TEX19: variants seen among roughly 807,000 people sequenced by gnomAD.
The protein encoded by TEX19 is testis-expressed protein 19.
For missense variants in TEX19, 184 were observed against 194.4 expected (o/e 0.95, Z 0.32); for synonymous variants, 77 against 73.9 (o/e 1.04, Z -0.21).
In TEX19 at chr17:82,362,865, G is replaced by T. The variant is rs2052407520; in HGVS notation, c.*220G>T. On this transcript the variant is annotated 3_prime_UTR_variant, in exon 2 of 2. Coordinates refer to ENST00000333437, the MANE Select transcript of TEX19 (RefSeq NM_207459.4). The surrounding 1 kb of genome is among the most constrained non-coding windows in gnomAD (Gnocchi z 5.5). ...CTGGAAATTGCTGCTGGAGCCTGGT[G>T]AAGTGTGGGTGGTGAGACTCCAAGA... 2 of 548,832 alleles carry T rather than the reference G, an allele frequency of 3.6e-6. No homozygotes were observed. The highest frequency in any genetic ancestry group is 7.4e-5 in the South Asian group (2 of 26,906). The allele number at this position is 548,832 out of a possible 1,614,324, so 34.0% of individuals were successfully genotyped here. A position where few individuals can be genotyped will look rare whatever the true frequency, so the allele number is the denominator to read the frequency against.
chr17:82,359,805 TTTCCCCCAGTTTCCCTCAGG>T lies in TEX19; in HGVS notation c.-272+539_-272+558del, dbSNP rs1567852889. 5.7e-5 allele frequency among the ~76,000 whole-genome samples: 5 copies of T among 87,704 alleles called. No individual in the cohort carries two copies. The East Asian group carries it at 1.5e-3, about 26-fold the overall frequency. 57.5% of individuals were successfully genotyped at this position (87,704 alleles called of 152,430 possible). On this transcript the variant is annotated intron_variant, in intron 1 of 1. Coordinates refer to ENST00000333437, the MANE Select transcript of TEX19 (RefSeq NM_207459.4). The stretch of plus-strand genomic sequence containing the variant: ...TCAGTTTCCCTCAAGTTCCCCTCAG[TTTCCCCCAGTTTCCCTCAGG>T]TTCCCCCAGTTTCCCTCAAGTTCCC...
chr17:82,362,461 C>T lies in TEX19; in HGVS notation c.311C>T (p.Ala104Val). 6.2e-7 allele frequency: 1 copy of T among 1,612,640 alleles called. No individual in the cohort carries two copies. The highest frequency in any genetic ancestry group is 8.5e-7 in the Non-Finnish European group (1 of 1,179,772). ...GAGGCATGGGGGCCAGGGACCCTGG[C>T]AGCAGCCCCAGAAGGGTTGGAAGAT... ...GSEAWGPGTL[A>V]AAPEGLEDAG... The change falls in exon 2 of 2, where the codon GCA (alanine) becomes GTA (valine). Residue 104 changes from alanine (A) to valine (V), a missense_variant. Transcript: ENST00000333437. This position sits in a 1 kb window ranked among gnomAD's most constrained non-coding sequence, Gnocchi z 5.5.
In TEX19 at chr17:82,362,750, C is replaced by T; in HGVS notation, c.*105C>T. On this transcript the variant is annotated 3_prime_UTR_variant, in exon 2 of 2. Transcript: ENST00000333437. The surrounding 1 kb of genome is among the most constrained non-coding windows in gnomAD (Gnocchi z 5.5). Reference sequence around the variant, plus strand: ...CCGAGGCTGAGGCCTAGTTACTGGCCCTGCAGCTTGTCTCCATGGTGGGCT... The same window carrying T: ...CCGAGGCTGAGGCCTAGTTACTGGCTCTGCAGCTTGTCTCCATGGTGGGCT... 7.2e-7 allele frequency: 1 copy of T among 1,391,716 alleles called. No homozygotes were observed. Among genetic ancestry groups the T allele is most frequent in the East Asian group, 2.4e-5 (1 of 41,178 alleles). The allele number at this position is 1,391,716 out of a possible 1,614,324, so 86.2% of individuals were successfully genotyped here. A position where few individuals can be genotyped will look rare whatever the true frequency, so the allele number is the denominator to read the frequency against.
In TEX19 at chr17:82,363,012, C is replaced by A. The variant is rs1485276470; in HGVS notation, c.*367C>A. On this transcript the variant is annotated 3_prime_UTR_variant, in exon 2 of 2. Coordinates refer to ENST00000333437, the MANE Select transcript of TEX19 (RefSeq NM_207459.4). ...CCTGCAGAAGAGGATTCACCATAGT[C>A]TCTTATTCACCCTGGACCAACAGGG... 5.1e-6 allele frequency: 1 copy of A among 196,436 alleles called. No homozygotes were observed. The allele number at this position is 196,436 out of a possible 1,614,324, so 12.2% of individuals were successfully genotyped here.
At position 82,362,507 on chromosome 17, in the gene TEX19, T is replaced by C; in HGVS notation, c.357T>C (p.Phe119=). Residue 119 remains phenylalanine, a synonymous_variant, in exon 2 of 2, where the codon TTT becomes TTC. Transcript: ENST00000333437. The surrounding 1 kb of genome is among the most constrained non-coding windows in gnomAD (Gnocchi z 5.5). ...AAGATGCAGGTCTGGACCCCCACTTTGTCCCCACTGAACTATGGCCTCAGG... is the reference window on the plus strand; with the variant it reads ...AAGATGCAGGTCTGGACCCCCACTTCGTCCCCACTGAACTATGGCCTCAGG... ...GLEDAGLDPH[F]VPTELWPQEA... 6.2e-7 allele frequency: 1 copy of C among 1,612,902 alleles called. No homozygotes were observed.
In TEX19 at chr17:82,362,107, C is replaced by T. The variant is rs1358943122; in HGVS notation, c.-44C>T. 2.6e-6 allele frequency: 4 copies of T among 1,564,894 alleles called. No individual in the cohort carries two copies. Among genetic ancestry groups the T allele is most frequent in the Admixed American group, 3.5e-5 (2 of 56,784 alleles). On this transcript the variant is annotated 5_prime_UTR_variant, in exon 2 of 2. Transcript: ENST00000333437. The surrounding 1 kb of genome is among the most constrained non-coding windows in gnomAD (Gnocchi z 5.5). ...AGACCGTCCAAGATCCTCTGAAGGC[C>T]CAGCTCTTGCTGTCCACCCCGGCAG...
chr17:82,360,298 T>C (rs1472775952), intron 1 of TEX19, among the ~76,000 whole-genome samples: 2 of 80,056 alleles, frequency 2.5e-5, no homozygotes, highest in Non-Finnish European at 4.7e-5. Context: ...CCAGTTTCCC[T>C]CAGGTTCCCC....
At chr17:82,360,784 T>C (rs1186566983) in intron 1 of TEX19, among the ~76,000 whole-genome samples, 4 of 58,132 alleles carry the variant, frequency 6.9e-5, no homozygotes, top group Non-Finnish European at 1.2e-4. Flanking sequence ...CAAGTTTCCC[T>C]CAGGTTCCCC....
intron 1 of TEX19, among the ~76,000 whole-genome samples, chr17:82,359,887 G>T (rs1469587202): frequency 1.3e-4 from 8 of 62,840 alleles, no homozygotes; most frequent in Admixed American, 2.0e-4. Context: ...TTTCCCTCGG[G>T]TTCCCCCAGT....
intron 1 of TEX19, 193 bp from the exon 2 acceptor site, chr17:82,361,687 G>A: frequency 5.1e-6 from 5 of 985,372 alleles, no homozygotes; most frequent in Non-Finnish European, 6.0e-6. Context: ...TGAGGTGTAG[G>A]GGGTGGCTGA....
Position 82,362,311 on chromosome 17 carries a change from G to A in TEX19, c.161G>A (p.Trp54Ter), listed in dbSNP as rs553772038. Residue 54 changes from tryptophan (W) to a stop codon, truncating the protein, a stop_gained, in exon 2 of 2, where the codon TGG (tryptophan) becomes TAG (stop). Coordinates refer to ENST00000333437, the MANE Select transcript of TEX19 (RefSeq NM_207459.4). LOFTEE classifies it low-confidence loss of function (END_TRUNC). The surrounding 1 kb of genome is among the most constrained non-coding windows in gnomAD (Gnocchi z 5.5). ...DFKDLLESED[W>*]EEDNWDPELM... ...AAAGACTTGCTGGAGTCAGAGGACTGGGAAGAAGACAACTGGGACCCTGAG... is the reference window on the plus strand; with the variant it reads ...AAAGACTTGCTGGAGTCAGAGGACTAGGAAGAAGACAACTGGGACCCTGAG... 6.2e-6 allele frequency: 10 copies of A among 1,613,978 alleles called. No individual in the cohort carries two copies. In the South Asian group the frequency reaches 9.9e-5, roughly 16 times the overall value.
Position 82,362,793 on chromosome 17 carries a change from C to G in TEX19, c.*148C>G. The G allele has an allele frequency of 3.9e-6, 4 of 1,022,870 alleles. No individual in the cohort carries two copies. The highest frequency in any genetic ancestry group is 5.5e-6 in the Non-Finnish European group (4 of 727,790). The allele number at this position is 1,022,870 out of a possible 1,614,324, so 63.4% of individuals were successfully genotyped here. On this transcript the variant is annotated 3_prime_UTR_variant, in exon 2 of 2. Coordinates refer to ENST00000333437, the MANE Select transcript of TEX19 (RefSeq NM_207459.4). This position sits in a 1 kb window ranked among gnomAD's most constrained non-coding sequence, Gnocchi z 5.5. ...GGTGGGCTGCTATGATACCATCTAC[C>G]TACAGAAGATGACCCCAGACAGGGC... is the stretch of plus-strand genomic sequence containing the variant.
At position 82,361,877 on chromosome 17, in the gene TEX19, C is replaced by A. The variant is rs2052397688; in HGVS notation, c.-271-3C>A. The stretch of plus-strand genomic sequence containing the variant: ...CCTAACCTCCCTTCCTTTGCCTTTC[C>A]AGCTCTCCTGAGACCACAGCAACTG... On this transcript the variant is annotated splice_region_variant and splice_polypyrimidine_tract_variant and intron_variant, in intron 1 of 1. Transcript: ENST00000333437. The A allele has an allele frequency of 2.5e-6, 2 of 789,574 alleles. No homozygotes were observed. Among genetic ancestry groups the A allele is most frequent in the African/African-American group, 1.8e-5 (1 of 56,848 alleles). The allele number at this position is 789,574 out of a possible 1,614,324, so 48.9% of individuals were successfully genotyped here. A position where few individuals can be genotyped will look rare whatever the true frequency, so the allele number is the denominator to read the frequency against.
At chr17:82,360,049 GTTCCCCCAGTTTCCCCCAGT>G (rs1482260779) in intron 1 of TEX19, among the ~76,000 whole-genome samples, 16 of 78,502 alleles carry the variant, frequency 2.0e-4, no homozygotes, top group South Asian at 3.9e-4. Context: ...TTTCCCCCAG[GTTCCCCCAGTTTCCCCCAGT>G]TTCCCTCAAG....
Position 82,362,015 on chromosome 17 carries a change from C to A in TEX19, c.-136C>A. On this transcript the variant is annotated 5_prime_UTR_variant, in exon 2 of 2. Transcript: ENST00000333437. The surrounding 1 kb of genome is among the most constrained non-coding windows in gnomAD (Gnocchi z 5.5). ...AAATCCCTGGATAGGAAACCCCTTTCTCCTCCTGCTCCTTGTCCCCTTCAT... is the reference window on the plus strand; with the variant it reads ...AAATCCCTGGATAGGAAACCCCTTTATCCTCCTGCTCCTTGTCCCCTTCAT... 1 of 1,220,268 alleles carries A rather than the reference C, an allele frequency of 8.2e-7. No individual in the cohort carries two copies. The highest frequency in any genetic ancestry group is 1.1e-6 in the Non-Finnish European group (1 of 883,266). 75.6% of individuals were successfully genotyped at this position (1,220,268 alleles called of 1,614,324 possible). A position where few individuals can be genotyped will look rare whatever the true frequency, so the allele number is the denominator to read the frequency against.
chr17:82,360,510 T>C (rs1319878026), intron 1 of TEX19, among the ~76,000 whole-genome samples: 15 of 89,252 alleles, frequency 1.7e-4, no homozygotes, highest in African/African-American at 6.1e-4. Context: ...TCAGGTTCCC[T>C]CAGTTTCCCT....
intron 1 of TEX19, among the ~76,000 whole-genome samples, chr17:82,361,213 C>T (rs1270479921): frequency 1.1e-3 from 109 of 96,632 alleles, no homozygotes; most frequent in African/African-American, 2.2e-3. Context: ...CCCCAGTTTC[C>T]CTCAGGTTCC....
In TEX19 at chr17:82,359,657, C is replaced by T. The variant is rs755474831; in HGVS notation, c.-272+372C>T. On this transcript the variant is annotated intron_variant, in intron 1 of 1. Transcript: ENST00000333437. ...TTTCCCTCAGCTTCCCTCAGGTTCC[C>T]CCAGTTTCCCTCAGGTTCCCTCAGT... 3.4e-3 allele frequency among the ~76,000 whole-genome samples: 469 copies of T among 137,990 alleles called. 6 individuals are homozygous for T. Among genetic ancestry groups the T allele is most frequent in the African/African-American group, 0.01 (359 of 34,816 alleles). 90.5% of individuals were successfully genotyped at this position (137,990 alleles called of 152,430 possible).
In TEX19 at chr17:82,362,042, C is replaced by G. The variant is rs576309432; in HGVS notation, c.-109C>G. 4 of 1,415,674 alleles carry G rather than the reference C, an allele frequency of 2.8e-6. No homozygotes were observed. The highest frequency in any genetic ancestry group is 3.8e-6 in the Non-Finnish European group (4 of 1,055,278). 87.7% of individuals were successfully genotyped at this position (1,415,674 alleles called of 1,614,324 possible). A position where few individuals can be genotyped will look rare whatever the true frequency, so the allele number is the denominator to read the frequency against. ...CCTCCTGCTCCTTGTCCCCTTCATCCCTGCCGCCCAGCATCCTACTGGCCT... is the reference window on the plus strand; with the variant it reads ...CCTCCTGCTCCTTGTCCCCTTCATCGCTGCCGCCCAGCATCCTACTGGCCT... On this transcript the variant is annotated 5_prime_UTR_variant, in exon 2 of 2. Coordinates refer to ENST00000333437, the MANE Select transcript of TEX19 (RefSeq NM_207459.4). This position sits in a 1 kb window ranked among gnomAD's most constrained non-coding sequence, Gnocchi z 5.5.
Sources: allele counts gnomAD v4.1 joint callset (sites outside exome capture counted in the v4.1 genomes callset), GRCh38; gene constraint gnomAD v4.1.1; non-coding constraint Gnocchi (gnomAD v3.1); transcripts MANE v1.5; gene names NCBI Gene and HGNC (gene_info 2026-07-23, HGNC 2026-07-21).